SIAH3: variants seen among roughly 807,000 people sequenced by gnomAD.
The protein encoded by SIAH3 is siah E3 ubiquitin protein ligase family member 3.
Under a neutral mutation model 12.6 loss-of-function variants are expected in SIAH3, and 9 were observed. That is an observed-to-expected ratio of 0.72 (90% confidence interval 0.43 to 1.25). The LOEUF is 1.25. SIAH3 is among the 50% of genes most tolerant of loss of function. SIAH3 has a pLI of 0.00. For synonymous variants in SIAH3, 154 were observed against 151.1 expected (o/e 1.02, Z -0.14); for missense variants, 390 against 365.4 (o/e 1.07, Z -0.55).
chr13:45,815,009 C>G (rs1464365269), intron 1 of SIAH3, among the ~76,000 whole-genome samples: 1 of 152,126 alleles, frequency 6.6e-6, no homozygotes, highest in Non-Finnish European at 1.5e-5. Flanking sequence ...AGGCATGAGC[C>G]ACCATGCCCG....
At chr13:45,839,599 A>G (rs758688267) in intron 1 of SIAH3, among the ~76,000 whole-genome samples, 13 of 151,930 alleles carry the variant, frequency 8.6e-5, no homozygotes, top group South Asian at 4.2e-4. Context: ...TTGGGAGGCC[A>G]AGGTGGGTGG....
At chr13:45,810,619 T>A (rs900719075) in intron 1 of SIAH3, among the ~76,000 whole-genome samples, 2 of 152,186 alleles carry the variant, frequency 1.3e-5, no homozygotes, top group Non-Finnish European at 2.9e-5. Flanking sequence ...CCTGGGCTTA[T>A]GGTCAGAGAC....
intron 1 of SIAH3, among the ~76,000 whole-genome samples, chr13:45,797,176 T>A (rs1342529559): frequency 6.6e-6 from 1 of 151,614 alleles, no homozygotes; most frequent in African/African-American, 2.4e-5. Flanking sequence ...CAATTCACCA[T>A]GACTACATTT....
At chr13:45,824,932 C>T (rs950840841) in intron 1 of SIAH3, among the ~76,000 whole-genome samples, 2 of 150,292 alleles carry the variant, frequency 1.3e-5, no homozygotes, top group Admixed American at 6.6e-5. Flanking sequence ...AAGCCATCCT[C>T]TACTCTGCAG....
chr13:45,845,474 A>G (rs1041798755), intron 1 of SIAH3, among the ~76,000 whole-genome samples: 1 of 152,246 alleles, frequency 6.6e-6, no homozygotes, highest in Non-Finnish European at 1.5e-5. Flanking sequence ...CTGGGTGCAC[A>G]CAATTAGTAA....
chr13:45,843,028 C>CTGTGTG (rs1340055644), intron 1 of SIAH3, among the ~76,000 whole-genome samples: 776 of 62,828 alleles, frequency 0.012, 15 homozygotes, highest in African/African-American at 0.04. Context: ...TTCTCTCTCT[C>CTGTGTG]TCTCTCTGTG....
chr13:45,832,396 C>A (rs1029850306), intron 1 of SIAH3, among the ~76,000 whole-genome samples: 2 of 152,192 alleles, frequency 1.3e-5, no homozygotes, highest in Non-Finnish European at 2.9e-5. Context: ...TACTTTCTGT[C>A]TCTATGGACT....
intron 1 of SIAH3, among the ~76,000 whole-genome samples, chr13:45,847,622 C>CGT (rs112078778): frequency 0.041 from 6,003 of 146,848 alleles, 351 homozygotes; most frequent in African/African-American, 0.13. Flanking sequence ...TCCATGTGTT[C>CGT]GTGTGTGTGT....
chr13:45,800,743 A>G (rs1566089436), intron 1 of SIAH3, among the ~76,000 whole-genome samples: 1 of 152,220 alleles, frequency 6.6e-6, no homozygotes, highest in Admixed American at 6.5e-5. Context: ...GTCATGCGAA[A>G]AGCACTAGTA....
intron 1 of SIAH3, among the ~76,000 whole-genome samples, chr13:45,793,313 C>T (rs958940732): frequency 6.6e-6 from 1 of 152,194 alleles, no homozygotes. Flanking sequence ...GCCTCCAGGC[C>T]ACATGCCATC....
intron 1 of SIAH3, among the ~76,000 whole-genome samples, chr13:45,833,211 C>T (rs957816414): frequency 2.1e-4 from 32 of 152,176 alleles, no homozygotes; most frequent in Non-Finnish European, 4.3e-4. Flanking sequence ...ATAGAAGGTG[C>T]TCAATAAATA....
chr13:45,810,484 G>GTAT (rs989374022), intron 1 of SIAH3, among the ~76,000 whole-genome samples: 21 of 152,146 alleles, frequency 1.4e-4, no homozygotes, highest in African/African-American at 5.1e-4. Context: ...ACATATGGAG[G>GTAT]TATTGATGTG....
At chr13:45,847,878 C>T (rs1022195034) in intron 1 of SIAH3, among the ~76,000 whole-genome samples, 6 of 152,080 alleles carry the variant, frequency 3.9e-5, no homozygotes, top group African/African-American at 9.7e-5. Context: ...GACCCCAGAC[C>T]GACCCCTAGC....
intron 1 of SIAH3, among the ~76,000 whole-genome samples, chr13:45,812,344 G>T (rs1950619069): frequency 6.6e-6 from 1 of 152,178 alleles, no homozygotes; most frequent in Non-Finnish European, 1.5e-5. Flanking sequence ...GATCAGAAGG[G>T]TTACATGACT....
chr13:45,826,401 A>ATGGGTGAGGGGCTGGG (rs752565228), intron 1 of SIAH3, among the ~76,000 whole-genome samples: 1 of 58,972 alleles, frequency 1.7e-5, no homozygotes. Context: ...GGATGGATGG[A>ATGGGTGAGGGGCTGGG]TGGATGGATG....
intron 1 of SIAH3, among the ~76,000 whole-genome samples, chr13:45,803,451 G>A (rs1277340347): frequency 1.3e-5 from 2 of 152,172 alleles, no homozygotes; most frequent in African/African-American, 2.4e-5. Context: ...ATAAGCCCAG[G>A]GAGCTGTGGG....
intron 1 of SIAH3, among the ~76,000 whole-genome samples, chr13:45,801,030 G>C (rs530272978): frequency 2.3e-4 from 33 of 142,196 alleles, no homozygotes; most frequent in African/African-American, 8.3e-4. Context: ...GTTCTACTAG[G>C]ATCCATCAGC....
chr13:45,821,767 A>G (rs540364243), intron 1 of SIAH3, among the ~76,000 whole-genome samples: 8 of 152,236 alleles, frequency 5.3e-5, no homozygotes, highest in Admixed American at 3.3e-4. Flanking sequence ...AAAATCAATG[A>G]GAGTGGGGCC....
intron 1 of SIAH3, among the ~76,000 whole-genome samples, chr13:45,799,049 T>C (rs9595388): frequency 0.4 from 60,622 of 152,058 alleles, 13,018 homozygotes; most frequent in African/African-American, 0.53. Flanking sequence ...CAGAACTCTG[T>C]GTTTCCACAG....
Sources: gnomAD v4.1 joint callset for allele counts (sites outside exome capture counted in the v4.1 genomes callset) on GRCh38, gnomAD v4.1.1 for gene constraint, MANE v1.5 for transcripts, NCBI Gene and HGNC (gene_info 2026-07-23, HGNC 2026-07-21) for gene names.